TMTC1: variants seen among roughly 807,000 people sequenced by gnomAD.
The protein encoded by TMTC1 is transmembrane O-mannosyltransferase targeting cadherins 1, also known as protein O-mannosyl-transferase TMTC1.
A neutral mutation model predicts 104.8 loss-of-function variants in TMTC1; 73 were observed. The ratio of observed to expected loss-of-function variants is 0.70; its 90% CI spans 0.58 to 0.85. TMTC1 has a LOEUF of 0.85. TMTC1 is among the 40% of genes least tolerant of loss of function. The pLI is 0.00. For missense variants in TMTC1, 1,035 were observed against 1,096.1 expected, an observed-to-expected ratio of 0.94 and a Z score of 0.79; for synonymous variants, 434 against 428.7, an observed-to-expected ratio of 1.01 and a Z score of -0.15.
intron 5 of TMTC1, among the ~76,000 whole-genome samples, chr12:29,673,599 A>C (rs80355215): frequency 0.017 from 2,540 of 151,878 alleles, 82 homozygotes; most frequent in African/African-American, 0.058. Flanking sequence ...TTATTCATAT[A>C]TGTATATTTA....
chr12:29,757,143 C>A (rs1047700415), intron 3 of TMTC1, among the ~76,000 whole-genome samples: 6 of 152,146 alleles, frequency 3.9e-5, no homozygotes, highest in Non-Finnish European at 8.8e-5. Flanking sequence ...AGTTACAAAG[C>A]CAGGAGCAGA....
intron 5 of TMTC1, among the ~76,000 whole-genome samples, chr12:29,667,456 C>A (rs970151644): frequency 2.0e-5 from 3 of 152,130 alleles, no homozygotes; most frequent in Non-Finnish European, 4.4e-5. Flanking sequence ...CTTCAATTAT[C>A]ATATATTAAA....
chr12:29,522,520 C>A lies in TMTC1; in HGVS notation c.1786-1800G>T, dbSNP rs1944199727. On this transcript the variant is annotated intron_variant, in intron 11 of 17. Transcript: ENST00000539277. ...TTCCTTTCAATCTATTGAAGAGAAG[C>A]TTTCTGAAGCTCTCGTCCATTGAAG... is the stretch of plus-strand genomic sequence containing the variant. Among the ~76,000 whole-genome samples, 6 of 151,846 alleles carry A rather than the reference C, an allele frequency of 4.0e-5. No homozygotes were observed. In the South Asian group the frequency reaches 1.2e-3, roughly 32 times the overall value.
intron 5 of TMTC1, among the ~76,000 whole-genome samples, chr12:29,644,875 A>G (rs1316138570): frequency 2.0e-5 from 3 of 151,762 alleles, no homozygotes; most frequent in African/African-American, 7.3e-5. Context: ...AGGTCCTTGA[A>G]CTCCAACTCC....
intron 5 of TMTC1, among the ~76,000 whole-genome samples, chr12:29,633,625 T>G (rs751119215): frequency 2.0e-5 from 3 of 152,160 alleles, no homozygotes; most frequent in Non-Finnish European, 2.9e-5. Flanking sequence ...AATAAACATA[T>G]TACAACTGGA....
At chr12:29,640,589 T>C (rs1006747) in intron 5 of TMTC1, 61,453 of 151,880 alleles carry the variant, frequency 0.4, 12,744 homozygotes, top group African/African-American at 0.47. Context: ...GAGAGCCAAG[T>C]GAAATACTGG....
chr12:29,666,207 T>C, intron 5 of TMTC1: 1 of 428,678 alleles, frequency 2.3e-6, no homozygotes, highest in Non-Finnish European at 4.6e-6. Flanking sequence ...CCCTTTTCTT[T>C]TCTTTCTTTT....
Position 29,783,363 on chromosome 12 carries a change from C to T in TMTC1, c.302+87G>A. On this transcript the variant is annotated intron_variant, in intron 1 of 17. Transcript: ENST00000539277. This position sits in a 1 kb window ranked among gnomAD's most constrained non-coding sequence, Gnocchi z 4.7. The stretch of plus-strand genomic sequence containing the variant: ...AAGGGCGGCAAAAATGAAATGCCCC[C>T]AAGTCAGTCCCGCAACTTCTCCCGG... 1 of 1,189,966 alleles carries T rather than the reference C, an allele frequency of 8.4e-7. No individual in the cohort carries two copies. Among genetic ancestry groups the T allele is most frequent in the Non-Finnish European group, 1.1e-6 (1 of 939,264 alleles). The allele number at this position is 1,189,966 out of a possible 1,614,324, so 73.7% of individuals were successfully genotyped here. A position where few individuals can be genotyped will look rare whatever the true frequency, so the allele number is the denominator to read the frequency against.
At chr12:29,580,733 T>C (rs989414997) in intron 8 of TMTC1, among the ~76,000 whole-genome samples, 1 of 152,212 alleles carries the variant, frequency 6.6e-6, no homozygotes, top group African/African-American at 2.4e-5. Flanking sequence ...CCTCTTTTAA[T>C]ACTCAGCTCA....
chr12:29,607,271 C>T (rs1946727794), intron 6 of TMTC1, among the ~76,000 whole-genome samples: 1 of 152,214 alleles, frequency 6.6e-6, no homozygotes, highest in Non-Finnish European at 1.5e-5. Context: ...TCCATGAGCA[C>T]AGAGTGCTCC....
At chr12:29,639,091 T>C (rs989605309) in intron 5 of TMTC1, among the ~76,000 whole-genome samples, 1 of 152,196 alleles carries the variant, frequency 6.6e-6, no homozygotes, top group African/African-American at 2.4e-5. Context: ...TCATTAAACA[T>C]TGAATAATTA....
chr12:29,624,007 G>C (rs1171933177), intron 6 of TMTC1, among the ~76,000 whole-genome samples: 1 of 151,800 alleles, frequency 6.6e-6, no homozygotes, highest in East Asian at 1.9e-4. Context: ...TTTTTGAGAT[G>C]GAGTCTCTGT....
At chr12:29,548,020 A>G (rs1482046714) in intron 10 of TMTC1, among the ~76,000 whole-genome samples, 1 of 152,216 alleles carries the variant, frequency 6.6e-6, no homozygotes, top group African/African-American at 2.4e-5. Context: ...GGTGCAAAGG[A>G]GAAGCACCAG....
intron 2 of TMTC1, among the ~76,000 whole-genome samples, chr12:29,761,704 T>A (rs1420405736): frequency 6.6e-6 from 1 of 151,966 alleles, no homozygotes; most frequent in Non-Finnish European, 1.5e-5. Flanking sequence ...AAAAGGGAGA[T>A]GAACTGGGCT....
At chr12:29,620,348 G>A (rs1947098352) in intron 6 of TMTC1, among the ~76,000 whole-genome samples, 1 of 152,064 alleles carries the variant, frequency 6.6e-6, no homozygotes, top group Non-Finnish European at 1.5e-5. Context: ...CCCAGCCTTG[G>A]GACTCTCAAT....
intron 5 of TMTC1, among the ~76,000 whole-genome samples, chr12:29,676,442 T>C (rs1940727468): frequency 6.6e-6 from 1 of 152,168 alleles, no homozygotes; most frequent in African/African-American, 2.4e-5. Flanking sequence ...AGAACCAAAC[T>C]GTAAAAGTTA....
chr12:29,783,670 C>G lies in TMTC1; in HGVS notation c.82G>C (p.Gly28Arg). The change falls in exon 1 of 18, where the codon GGG (glycine) becomes CGG (arginine). Residue 28 changes from glycine (G) to arginine (R), a missense_variant. Physicochemically the swap from Gly to Arg is moderately radical, Grantham distance 125 (BLOSUM62 -2). Coordinates refer to ENST00000539277, the MANE Select transcript of TMTC1 (RefSeq NM_001193451.2). The surrounding 1 kb of genome is among the most constrained non-coding windows in gnomAD (Gnocchi z 4.7). The stretch of plus-strand genomic sequence containing the variant: ...GCCCCGGCCAGCAGCGCCGCGGCCC[C>G]GGCCGGCGCTAGCCCGCAGCCCCGC... ...RRRGCGLAPAGAAALLAGASC... is the reference protein window; with the variant it reads ...RRRGCGLAPARAAALLAGASC... The G allele has an allele frequency of 1.5e-6, 2 of 1,330,020 alleles. No individual in the cohort carries two copies. The highest frequency in any genetic ancestry group is 2.9e-4 in the Middle Eastern group (1 of 3,494). 82.4% of individuals were successfully genotyped at this position (1,330,020 alleles called of 1,614,324 possible).
chr12:29,649,138 A>G (rs1378626607), intron 5 of TMTC1, among the ~76,000 whole-genome samples: 1 of 151,838 alleles, frequency 6.6e-6, no homozygotes, highest in Non-Finnish European at 1.5e-5. Context: ...AAAATTCCCA[A>G]CTACTATCCT....
chr12:29,660,128 C>A, intron 5 of TMTC1: 2 of 641,614 alleles, frequency 3.1e-6, no homozygotes, highest in Non-Finnish European at 5.3e-6. Flanking sequence ...TTGTACTGAC[C>A]AACAGAACAT....
Sources: gnomAD v4.1 joint callset for allele counts (sites outside exome capture counted in the v4.1 genomes callset) on GRCh38, gnomAD v4.1.1 for gene constraint, Gnocchi (gnomAD v3.1) non-coding constraint, MANE v1.5 for transcripts, NCBI Gene and HGNC (gene_info 2026-07-23, HGNC 2026-07-21) for gene names.